CSMD3: variants seen among roughly 807,000 people sequenced by gnomAD.
CSMD3 encodes CUB and sushi domain-containing protein 3.
CSMD3 carries 177 observed loss-of-function variants against 435.2 expected under a neutral mutation model. The observed-to-expected ratio is 0.41, with a 90% CI of 0.36 to 0.46. The LOEUF (loss-of-function observed/expected upper bound fraction) is 0.46. CSMD3 is among the 20% of genes least tolerant of loss of function. CSMD3 has a pLI of 0.34. For synonymous variants in CSMD3, 1,656 were observed against 1,520.5 expected (o/e 1.09, Z -2.07); for missense variants, 4,265 against 4,504.6 (o/e 0.95, Z 1.52).
At chr8:113,274,199 G>T (rs984320619) in intron 3 of CSMD3, among the ~76,000 whole-genome samples, 2 of 151,798 alleles carry the variant, frequency 1.3e-5, no homozygotes, top group African/African-American at 4.8e-5. Context: ...TTAATATATT[G>T]ATTTTTTTGC....
At chr8:112,611,962 G>T (rs1833290392) in intron 22 of CSMD3, among the ~76,000 whole-genome samples, 1 of 152,122 alleles carries the variant, frequency 6.6e-6, no homozygotes, top group Non-Finnish European at 1.5e-5. Context: ...CTGGGAGTAA[G>T]AAGAATTAAA....
intron 3 of CSMD3, among the ~76,000 whole-genome samples, chr8:113,267,606 G>A (rs922757474): frequency 6.6e-6 from 1 of 151,596 alleles, no homozygotes; most frequent in Non-Finnish European, 1.5e-5. Flanking sequence ...GAATGGGGAA[G>A]AAGGGGAGGG....
Position 112,506,770 on chromosome 8 carries a change from G to T in CSMD3, c.4816C>A (p.His1606Asn). ...CAGTCTCTGCTATGCGGATATGGATGAGGGAAGTTTGGTGAAAGAATAAAG... is the reference window on the plus strand; with the variant it reads ...CAGTCTCTGCTATGCGGATATGGATTAGGGAAGTTTGGTGAAAGAATAAAG... ...SGFILSPNFP[H>N]PYPHSRDCDW... The change falls in exon 29 of 71, where the codon CAT (histidine) becomes AAT (asparagine). Residue 1606 changes from histidine (H) to asparagine (N), a missense_variant. By Grantham distance (68) the His-to-Asn change is moderately conservative. Coordinates refer to ENST00000297405, the MANE Select transcript of CSMD3 (RefSeq NM_198123.2). The T allele has an allele frequency of 6.2e-7, 1 of 1,613,606 alleles. No individual in the cohort carries two copies. Among genetic ancestry groups the T allele is most frequent in the Middle Eastern group, 1.7e-4 (1 of 6,060 alleles).
At chr8:112,750,075 C>T (rs1011444663) in intron 13 of CSMD3, among the ~76,000 whole-genome samples, 1 of 152,046 alleles carries the variant, frequency 6.6e-6, no homozygotes, top group African/African-American at 2.4e-5. Context: ...AACGAGCCTT[C>T]TGCAAGCACA....
chr8:112,829,669 A>C lies in CSMD3; in HGVS notation c.1859+17T>G, dbSNP rs2079805443. ...TACCCGATAGGCTAAGGCAAAAATGAAACATTGGGAACTTACACTTGGAGC... is the reference window on the plus strand; with the variant it reads ...TACCCGATAGGCTAAGGCAAAAATGCAACATTGGGAACTTACACTTGGAGC... On this transcript the variant is annotated intron_variant, in intron 12 of 70. Transcript: ENST00000297405. 9 of 1,498,622 alleles carry C rather than the reference A, an allele frequency of 6.0e-6. No homozygotes were observed. In the East Asian group the frequency reaches 1.8e-4, roughly 30 times the overall value. The allele number at this position is 1,498,622 out of a possible 1,614,324, so 92.8% of individuals were successfully genotyped here. A position where few individuals can be genotyped will look rare whatever the true frequency, so the allele number is the denominator to read the frequency against.
At chr8:112,872,257 C>A (rs1259512570) in intron 10 of CSMD3, among the ~76,000 whole-genome samples, 1 of 152,014 alleles carries the variant, frequency 6.6e-6, no homozygotes, top group Non-Finnish European at 1.5e-5. Context: ...AATAAACTGT[C>A]AAAAGTGCAG....
chr8:113,014,277 T>C (rs548850453), intron 6 of CSMD3, among the ~76,000 whole-genome samples: 45 of 151,224 alleles, frequency 3.0e-4, no homozygotes, highest in Middle Eastern at 6.8e-3. Context: ...TTGCAGACTA[T>C]TATTTGTTAT....
chr8:113,289,577 AGAG>A (rs2093671211), intron 2 of CSMD3, among the ~76,000 whole-genome samples: 1 of 151,320 alleles, frequency 6.6e-6, no homozygotes, highest in African/African-American at 2.4e-5. Flanking sequence ...AGAGAGAGAG[AGAG>A]AGAGAGAGAA....
intron 4 of CSMD3, among the ~76,000 whole-genome samples, chr8:113,158,824 G>A (rs965132834): frequency 2.6e-5 from 4 of 151,750 alleles, no homozygotes; most frequent in African/African-American, 4.8e-5. Flanking sequence ...ATGTACAAAC[G>A]ATATAAACAA....
At chr8:112,885,556 T>A (rs916365841) in intron 10 of CSMD3, among the ~76,000 whole-genome samples, 1 of 151,730 alleles carries the variant, frequency 6.6e-6, no homozygotes, top group Non-Finnish European at 1.5e-5. Flanking sequence ...TGACTTCATG[T>A]TCTTTTGTGG....
rs1014178127 is a variant in CSMD3 at position 112,267,947 on chromosome 8, G to C, written c.9509-2357C>G. On this transcript the variant is annotated intron_variant, in intron 59 of 70. Coordinates refer to ENST00000297405, the MANE Select transcript of CSMD3 (RefSeq NM_198123.2). ...TTCAGAGACAACCAAAAAAAAAAAG[G>C]CTTTTGGTTTTTTCAGGAAAAAAAC... Among the ~76,000 whole-genome samples, 3 of 151,894 alleles carry C rather than the reference G, an allele frequency of 2.0e-5. 1 individual carries two copies. Among genetic ancestry groups the C allele is most frequent in the Admixed American group, 6.6e-5 (1 of 15,214 alleles).
intron 5 of CSMD3, among the ~76,000 whole-genome samples, chr8:113,041,999 C>T (rs2087640074): frequency 6.6e-6 from 1 of 152,260 alleles, no homozygotes; most frequent in Admixed American, 6.5e-5. Flanking sequence ...AAACTATGTT[C>T]TAAAACATAC....
intron 4 of CSMD3, among the ~76,000 whole-genome samples, chr8:113,117,231 A>T (rs1177044037): frequency 6.6e-6 from 1 of 152,144 alleles, no homozygotes; most frequent in East Asian, 1.9e-4. Flanking sequence ...GGGCCTTGCT[A>T]CTTTGTGCAA....
At chr8:113,188,805 T>C (rs999327689) in intron 3 of CSMD3, among the ~76,000 whole-genome samples, 7 of 151,926 alleles carry the variant, frequency 4.6e-5, no homozygotes, top group African/African-American at 7.2e-5. Context: ...AGTGAGACTA[T>C]TGATACTTCA....
At chr8:112,677,356 G>A (rs774189972) in intron 16 of CSMD3, among the ~76,000 whole-genome samples, 7 of 150,872 alleles carry the variant, frequency 4.6e-5, no homozygotes, top group Non-Finnish European at 8.9e-5. Flanking sequence ...GGAAAAGATG[G>A]CCTAGAAAGG....
intron 32 of CSMD3, among the ~76,000 whole-genome samples, chr8:112,429,058 C>A (rs1440986336): frequency 6.6e-6 from 1 of 152,062 alleles, no homozygotes; most frequent in Admixed American, 6.6e-5. Context: ...GCACATTTTA[C>A]AACCACTCTC....
At chr8:112,518,046 T>A (rs950023495) in intron 27 of CSMD3, among the ~76,000 whole-genome samples, 1 of 152,216 alleles carries the variant, frequency 6.6e-6, no homozygotes, top group African/African-American at 2.4e-5. Context: ...GTTTAAACGA[T>A]GGTAAATCCA....
intron 49 of CSMD3, 66 bp downstream of exon 49, chr8:112,313,840 C>A (rs1822213312): frequency 7.8e-7 from 1 of 1,284,090 alleles, no homozygotes; most frequent in Admixed American, 1.7e-5. Context: ...AGTGTCTCTG[C>A]TCCTTAATCA....
intron 1 of CSMD3, among the ~76,000 whole-genome samples, chr8:113,413,346 A>C (rs994045542): frequency 3.0e-4 from 46 of 152,272 alleles, no homozygotes; most frequent in African/African-American, 9.9e-4. Context: ...TAACTTGAGA[A>C]AAGTCACTGG....
Sources: allele counts gnomAD v4.1 joint callset (sites outside exome capture counted in the v4.1 genomes callset), GRCh38; gene constraint gnomAD v4.1.1; transcripts MANE v1.5; gene names NCBI Gene and HGNC (gene_info 2026-07-23, HGNC 2026-07-21).